The following S100A10 variants were observed in gnomAD, a reference collection of about 807,000 sequenced individuals.
S100A10 encodes the protein S100 calcium binding protein A10, also known as protein S100-A10.
Under a neutral mutation model 7.1 loss-of-function variants are expected in S100A10, and 3 were observed. The ratio of observed to expected loss-of-function variants is 0.42; its 90% CI spans 0.19 to 1.10. The LOEUF is 1.10. Ranked by LOEUF, S100A10 falls within the 50% of genes least tolerant of loss-of-function variation. S100A10 has a pLI of 0.29. For synonymous variants in S100A10, 41 were observed against 39.3 expected, an observed-to-expected ratio of 1.04 and a Z score of -0.16; for missense variants, 101 against 118.1, an observed-to-expected ratio of 0.86 and a Z score of 0.67.
intron 1 of S100A10, among the ~76,000 whole-genome samples, chr1:151,987,707 T>A (rs1204619026): frequency 1.3e-5 from 2 of 151,944 alleles, no homozygotes; most frequent in Non-Finnish European, 2.9e-5. Context: ...GCCCGACTAA[T>A]TTTTTTGTAT....
intron 1 of S100A10, among the ~76,000 whole-genome samples, chr1:151,992,743 C>G (rs1282467097): frequency 6.6e-6 from 1 of 152,164 alleles, no homozygotes; most frequent in Non-Finnish European, 1.5e-5. Flanking sequence ...GGGCAGAAAA[C>G]GGGGTGGGCT....
chr1:151,987,159 C>G (rs1232513477), intron 1 of S100A10, among the ~76,000 whole-genome samples: 5 of 151,262 alleles, frequency 3.3e-5, no homozygotes, highest in Admixed American at 2.6e-4. Context: ...CGTCCGCCAC[C>G]ATGTCCGGCT....
At chr1:151,985,379 G>A (rs1363705278) in intron 2 of S100A10, 1 of 152,228 alleles carries the variant, frequency 6.6e-6, no homozygotes, top group Non-Finnish European at 1.5e-5. Flanking sequence ...CCCATGTCCT[G>A]AGTGATGTAT....
chr1:151,983,094 T>A lies in S100A10; in HGVS notation c.*69A>T, dbSNP rs1333358003. ...TGAAATCCTTCTATGGGGGAAGCTG[T>A]GGGGCAGATTCCTTAAGCGACCCTT... On this transcript the variant is annotated 3_prime_UTR_variant, in exon 3 of 3. Coordinates refer to ENST00000368811, the MANE Select transcript of S100A10 (RefSeq NM_002966.3). The A allele has an allele frequency of 9.1e-7, 1 of 1,095,714 alleles. No homozygotes were observed. Among genetic ancestry groups the A allele is most frequent in the African/African-American group, 1.6e-5 (1 of 63,010 alleles). The allele number at this position is 1,095,714 out of a possible 1,614,324, so 67.9% of individuals were successfully genotyped here.
rs955399620 is a variant in S100A10 at position 151,993,185 on chromosome 1, C to G, written c.-22+567G>C. Among the ~76,000 whole-genome samples the G allele has an allele frequency of 6.6e-6, 1 of 152,154 alleles. No homozygotes were observed. The highest frequency in any genetic ancestry group is 2.4e-5 in the African/African-American group (1 of 41,440). ...CCCTCAGCAGGAAGACCCTTTCCGT[C>G]GAGCAGACAACAGGAAGCCCCGACC... On this transcript the variant is annotated intron_variant, in intron 1 of 2. Transcript: ENST00000368811. This position sits in a 1 kb window ranked among gnomAD's most constrained non-coding sequence, Gnocchi z 5.1.
chr1:151,989,503 C>T (rs1655861548), intron 1 of S100A10, among the ~76,000 whole-genome samples: 1 of 152,184 alleles, frequency 6.6e-6, no homozygotes, highest in African/African-American at 2.4e-5. Flanking sequence ...CAACCAGTAC[C>T]CCAAAGGGCA....
chr1:151,986,872 C>G (rs1462449267), intron 1 of S100A10, among the ~76,000 whole-genome samples: 3 of 152,146 alleles, frequency 2.0e-5, no homozygotes, highest in African/African-American at 7.2e-5. Flanking sequence ...ATCTAAGAAC[C>G]AGTCCACCCC....
chr1:151,987,634 G>T (rs1057425733), intron 1 of S100A10, among the ~76,000 whole-genome samples: 7 of 150,684 alleles, frequency 4.6e-5, no homozygotes, highest in Non-Finnish European at 1.0e-4. Flanking sequence ...CCGCTTCCTG[G>T]ATTCACGGCA....
chr1:151,985,845 G>A (rs1312561502), intron 2 of S100A10, among the ~76,000 whole-genome samples: 1 of 152,216 alleles, frequency 6.6e-6, no homozygotes, highest in East Asian at 1.9e-4. Flanking sequence ...CCTGCAGACT[G>A]TAAGCTCCTT....
chr1:151,993,738 C>G lies in S100A10; in HGVS notation c.-22+14G>C, dbSNP rs1023639598. On this transcript the variant is annotated intron_variant, in intron 1 of 2. Coordinates refer to ENST00000368811, the MANE Select transcript of S100A10 (RefSeq NM_002966.3). This position sits in a 1 kb window ranked among gnomAD's most constrained non-coding sequence, Gnocchi z 5.1. ...GACTACCCAGGAGGGGCGCGTGGGC[C>G]GGGCGGAGCTCACCTTGGCCGAGGC... The G allele has an allele frequency of 6.5e-6, 1 of 153,516 alleles. No individual in the cohort carries two copies. Among genetic ancestry groups the G allele is most frequent in the African/African-American group, 2.4e-5 (1 of 41,456 alleles). The allele number at this position is 153,516 out of a possible 1,614,324, so 9.5% of individuals were successfully genotyped here.
Position 151,983,129 on chromosome 1 carries a change from T to C in S100A10, c.*34A>G, listed in dbSNP as rs1424820516. 1 of 1,477,474 alleles carries C rather than the reference T, an allele frequency of 6.8e-7. No homozygotes were observed. Among genetic ancestry groups the C allele is most frequent in the East Asian group, 2.4e-5 (1 of 42,166 alleles). 91.5% of individuals were successfully genotyped at this position (1,477,474 alleles called of 1,614,324 possible). A position where few individuals can be genotyped will look rare whatever the true frequency, so the allele number is the denominator to read the frequency against. On this transcript the variant is annotated 3_prime_UTR_variant, in exon 3 of 3. Transcript: ENST00000368811. ...TCCTTAAGCGACCCTTTGGGACAACTCTTATCAGGGAGGAGCGAACTGCTC... is the reference window on the plus strand; with the variant it reads ...TCCTTAAGCGACCCTTTGGGACAACCCTTATCAGGGAGGAGCGAACTGCTC...
Position 151,983,291 on chromosome 1 carries a change from T to C in S100A10, c.166A>G (p.Met56Val). ...QKDPLAVDKI[M>V]KDLDQCRDGK... ...TCTCTACACTGGTCCAGGTCCTTCA[T>C]TATTTTGTCCACAGCCAGAGGGTCT... Residue 56 changes from methionine to valine, a missense_variant, in exon 3 of 3, where the codon ATG (methionine) becomes GTG (valine). Coordinates refer to ENST00000368811, the MANE Select transcript of S100A10 (RefSeq NM_002966.3). 6.4e-7 allele frequency: 1 copy of C among 1,571,294 alleles called. No homozygotes were observed. The highest frequency in any genetic ancestry group is 8.6e-7 in the Non-Finnish European group (1 of 1,165,858).
chr1:151,992,841 C>T (rs1655935281), intron 1 of S100A10, among the ~76,000 whole-genome samples: 1 of 151,512 alleles, frequency 6.6e-6, no homozygotes, highest in South Asian at 2.1e-4. Context: ...CAAGGCAGAG[C>T]TCCTGGTTTC....
At position 151,993,294 on chromosome 1, in the gene S100A10, C is replaced by A. The variant is rs1187061985; in HGVS notation, c.-22+458G>T. Among the ~76,000 whole-genome samples the A allele has an allele frequency of 1.3e-5, 2 of 152,132 alleles. No homozygotes were observed. The highest frequency in any genetic ancestry group is 2.9e-5 in the Non-Finnish European group (2 of 68,024). ...CTCGTCCTACCCGCGCCTACTTGGG[C>A]GGTACAGCCGGGAGCAGGCTACGAA... On this transcript the variant is annotated intron_variant, in intron 1 of 2. Coordinates refer to ENST00000368811, the MANE Select transcript of S100A10 (RefSeq NM_002966.3). This position sits in a 1 kb window ranked among gnomAD's most constrained non-coding sequence, Gnocchi z 5.1.
intron 1 of S100A10, among the ~76,000 whole-genome samples, chr1:151,991,336 T>G (rs1412022473): frequency 1.3e-5 from 2 of 152,162 alleles, no homozygotes; most frequent in Non-Finnish European, 2.9e-5. Flanking sequence ...ACTAAAGAAC[T>G]GGGCAGCAAA....
chr1:151,992,696 G>A (rs1235222664), intron 1 of S100A10: 1 of 152,464 alleles, frequency 6.6e-6, no homozygotes, highest in Non-Finnish European at 1.5e-5. Flanking sequence ...TGCTAACCAC[G>A]CCCTGCAGAA....
chr1:151,985,220 C>A (rs1009714712), intron 2 of S100A10: 1 of 152,400 alleles, frequency 6.6e-6, no homozygotes, highest in African/African-American at 2.4e-5. Context: ...AGCACAGAAA[C>A]AATCTTTTCA....
intron 1 of S100A10, among the ~76,000 whole-genome samples, chr1:151,987,137 T>C (rs1205026723): frequency 7.0e-6 from 1 of 143,020 alleles, no homozygotes; most frequent in Non-Finnish European, 1.5e-5. Context: ...CCCAGGTAGC[T>C]GGGATTACAG....
intron 1 of S100A10, among the ~76,000 whole-genome samples, chr1:151,987,213 G>A (rs1655811450): frequency 6.6e-6 from 1 of 151,714 alleles, no homozygotes; most frequent in Admixed American, 6.6e-5. Context: ...GCCATGTTGA[G>A]CAGGCTGGTC....
Sources: gnomAD v4.1 joint callset for allele counts (sites outside exome capture counted in the v4.1 genomes callset) on GRCh38, gnomAD v4.1.1 for gene constraint, Gnocchi (gnomAD v3.1) non-coding constraint, MANE v1.5 for transcripts, NCBI Gene and HGNC (gene_info 2026-07-23, HGNC 2026-07-21) for gene names.